The following INTS7 variants were observed in gnomAD, a reference collection of about 807,000 sequenced individuals.
The protein encoded by INTS7 is chromosome 1 open reading frame 73.
In INTS7, 46 loss-of-function variants were observed where a neutral mutation model predicts 109.2. The ratio of observed to expected loss-of-function variants is 0.42; its 90% CI spans 0.33 to 0.54. The LOEUF is 0.54. Among genes scored for constraint, INTS7 ranks in the 20% least tolerant of loss-of-function variants. The pLI, the probability that INTS7 is intolerant of heterozygous loss-of-function variation, is 0.07. For synonymous variants in INTS7, 412 were observed against 402.9 expected (o/e 1.02, Z -0.27); for missense variants, 929 against 1,132.4 (o/e 0.82, Z 2.58).
chr1:211,962,370 C>T (rs567314832), intron 16 of INTS7, among the ~76,000 whole-genome samples: 1 of 151,914 alleles, frequency 6.6e-6, no homozygotes. Flanking sequence ...ACAGGAGCAC[C>T]CAGATTCATA....
At chr1:211,979,157 T>C (rs1245255738) in intron 10 of INTS7, among the ~76,000 whole-genome samples, 1 of 152,228 alleles carries the variant, frequency 6.6e-6, no homozygotes, top group South Asian at 2.1e-4. Flanking sequence ...CACTTTTACA[T>C]AGCTAACAGA....
chr1:212,007,379 G>T lies in INTS7; in HGVS notation c.627C>A (p.Ile209=), dbSNP rs1316370843. 2 of 1,613,988 alleles carry T rather than the reference G, an allele frequency of 1.2e-6. No individual in the cohort carries two copies. Among genetic ancestry groups the T allele is most frequent in the Non-Finnish European group, 1.7e-6 (2 of 1,179,882 alleles). Residue 209 remains isoleucine, a synonymous_variant, in exon 6 of 20, where the codon ATC becomes ATA. Transcript: ENST00000366994. ...PILQHMHHDA[I]LASSARQLLQ... ...AAAGCTGACGAGCACTGGAAGCCAA[G>T]ATTGCATCATGGTGCATGTGCTGTA... is the stretch of plus-strand genomic sequence containing the variant.
chr1:211,996,193 G>A (rs1665377275), intron 7 of INTS7, among the ~76,000 whole-genome samples: 1 of 152,138 alleles, frequency 6.6e-6, no homozygotes, highest in Non-Finnish European at 1.5e-5. Flanking sequence ...AGGCCAAGGT[G>A]GGTGGATCAC....
At chr1:211,958,526 A>G (rs1433959969) in intron 16 of INTS7, among the ~76,000 whole-genome samples, 1 of 152,072 alleles carries the variant, frequency 6.6e-6, no homozygotes, top group South Asian at 2.1e-4. Flanking sequence ...TCCCTGCTAG[A>G]GGTTCATTAA....
intron 11 of INTS7, among the ~76,000 whole-genome samples, chr1:211,977,352 T>A (rs1664465659): frequency 6.6e-6 from 1 of 152,166 alleles, no homozygotes; most frequent in African/African-American, 2.4e-5. Context: ...TTTAAGACAA[T>A]CTTAAGGTAG....
At chr1:212,006,059 A>G (rs76548634) in intron 7 of INTS7, among the ~76,000 whole-genome samples, 1 of 152,308 alleles carries the variant, frequency 6.6e-6, no homozygotes, top group East Asian at 1.9e-4. Flanking sequence ...TGTTATTTCT[A>G]TCGGTAATGG....
chr1:211,993,679 C>CAAAAAAAAAAAA (rs1333287349), intron 7 of INTS7, among the ~76,000 whole-genome samples: 2 of 54,752 alleles, frequency 3.7e-5, no homozygotes, highest in African/African-American at 6.8e-5. Flanking sequence ...GACTAAAACT[C>CAAAAAAAAAAAA]AAAAAAAAAA....
intron 7 of INTS7, among the ~76,000 whole-genome samples, chr1:211,990,080 A>G (rs1192446269): frequency 6.6e-6 from 1 of 152,064 alleles, no homozygotes; most frequent in Non-Finnish European, 1.5e-5. Context: ...CTCTTTGGTG[A>G]GTCATTGGTA....
chr1:212,026,646 C>G (rs1426695158), intron 1 of INTS7, among the ~76,000 whole-genome samples: 3 of 152,138 alleles, frequency 2.0e-5, no homozygotes, highest in African/African-American at 7.2e-5. Context: ...AAAGACATAG[C>G]TGAGGATGGA....
Position 211,941,781 on chromosome 1 carries a change from TTTGA to T in INTS7, c.*39_*42del, listed in dbSNP as rs763996160. On this transcript the variant is annotated 3_prime_UTR_variant, in exon 20 of 20. Transcript: ENST00000366994. ...TGAAAAACCAAACTGTTTCTGGCAATTTGATTGATCTCTTGAGAGTCTGCAGTGC... is the reference window on the plus strand; with the variant it reads ...TGAAAAACCAAACTGTTTCTGGCAATTTGATCTCTTGAGAGTCTGCAGTGC... The T allele has an allele frequency of 1.6e-5, 25 of 1,583,236 alleles. No individual in the cohort carries two copies. Among genetic ancestry groups the T allele is most frequent in the Middle Eastern group, 1.7e-4 (1 of 5,772 alleles).
intron 7 of INTS7, among the ~76,000 whole-genome samples, chr1:212,003,574 T>G (rs1665776032): frequency 6.6e-6 from 1 of 152,048 alleles, no homozygotes; most frequent in African/African-American, 2.4e-5. Context: ...GCAAAGACAG[T>G]GGAAGGTGCA....
intron 16 of INTS7, chr1:211,966,180 C>T (rs1056731751): frequency 3.8e-6 from 1 of 264,448 alleles, no homozygotes; most frequent in African/African-American, 2.2e-5. Flanking sequence ...TTATAATATA[C>T]AAGAAGAAAT....
chr1:211,952,658 C>A lies in INTS7; in HGVS notation c.2227G>T (p.Glu743Ter). 1 of 1,612,952 alleles carries A rather than the reference C, an allele frequency of 6.2e-7. No individual in the cohort carries two copies. The highest frequency in any genetic ancestry group is 8.5e-7 in the Non-Finnish European group (1 of 1,179,188). Residue 743 changes from glutamate (E) to a stop codon, truncating the protein, a stop_gained, in exon 17 of 20, where the codon GAA becomes TAA. Coordinates refer to ENST00000366994, the MANE Select transcript of INTS7 (RefSeq NM_015434.4). LOFTEE classifies it high-confidence loss of function. The part of the protein sequence containing the change: ...GSTGTAHADS[E>*]YERRMMSVYN... ...ACAGACATCATTCTTCTTTCATATT[C>A]ACTATCAGCATGGGCTGTTCCAGTA...
In INTS7 at chr1:212,023,663, G is replaced by C. The variant is rs150203954; in HGVS notation, c.95-2451C>G. Among the ~76,000 whole-genome samples, 443 of 152,250 alleles carry C rather than the reference G, an allele frequency of 2.9e-3. 2 individuals are homozygous for C. In the Middle Eastern group the frequency reaches 0.031, roughly 11 times the overall value. On this transcript the variant is annotated intron_variant, in intron 1 of 19. Coordinates refer to ENST00000366994, the MANE Select transcript of INTS7 (RefSeq NM_015434.4). ...ATATTACACCTTTGTCACATGCATA[G>C]TTTGCAAATATTTTCTCCCATTCTG...
At chr1:211,954,326 T>C (rs1365468575) in intron 16 of INTS7, among the ~76,000 whole-genome samples, 5 of 152,166 alleles carry the variant, frequency 3.3e-5, no homozygotes, top group Non-Finnish European at 5.9e-5. Context: ...GTTGCGAAAA[T>C]TTTCTCCCAT....
chr1:211,991,115 G>GT (rs1471542842), intron 7 of INTS7, among the ~76,000 whole-genome samples: 3 of 152,144 alleles, frequency 2.0e-5, no homozygotes, highest in South Asian at 2.1e-4. Flanking sequence ...GAAGGATTCA[G>GT]TAAGTATTAC....
intron 7 of INTS7, among the ~76,000 whole-genome samples, chr1:211,999,677 G>A (rs983814450): frequency 2.0e-5 from 3 of 152,046 alleles, no homozygotes; most frequent in East Asian, 3.8e-4. Context: ...TACAAAATGC[G>A]GTCAATCTGT....
At chr1:211,996,203 C>T (rs1352562059) in intron 7 of INTS7, among the ~76,000 whole-genome samples, 5 of 152,192 alleles carry the variant, frequency 3.3e-5, no homozygotes, top group African/African-American at 1.2e-4. Context: ...GGGTGGATCA[C>T]TTGAGATTGG....
At chr1:212,008,309 T>C (rs1412913356) in intron 5 of INTS7, among the ~76,000 whole-genome samples, 1 of 152,174 alleles carries the variant, frequency 6.6e-6, no homozygotes, top group African/African-American at 2.4e-5. Context: ...CTTTGTTCCT[T>C]AAGGTTCTGA....
Sources: gnomAD v4.1 joint callset for allele counts (sites outside exome capture counted in the v4.1 genomes callset) on GRCh38, gnomAD v4.1.1 for gene constraint, MANE v1.5 for transcripts, NCBI Gene and HGNC (gene_info 2026-07-23, HGNC 2026-07-21) for gene names.